The following SFMBT2 variants were observed in gnomAD, a reference collection of about 807,000 sequenced individuals.
SFMBT2 encodes scm-like with four MBT domains protein 2.
SFMBT2 carries 38 observed loss-of-function variants against 110.1 expected under a neutral mutation model. The observed-to-expected ratio is 0.35, with a 90% CI of 0.27 to 0.45. SFMBT2 has a LOEUF of 0.45. Among genes scored for constraint, SFMBT2 ranks in the 20% least tolerant of loss-of-function variants. The pLI, the probability that SFMBT2 is intolerant of heterozygous loss-of-function variation, is 1.00. For synonymous variants in SFMBT2, 425 were observed against 425.4 expected, an observed-to-expected ratio of 1.00 and a Z score of 0.01; for missense variants, 1,011 against 1,094.9, an observed-to-expected ratio of 0.92 and a Z score of 1.08.
chr10:7,323,096 A>G (rs925746285), intron 4 of SFMBT2, among the ~76,000 whole-genome samples: 1 of 152,240 alleles, frequency 6.6e-6, no homozygotes, highest in Non-Finnish European at 1.5e-5. Flanking sequence ...CCATTTATGG[A>G]AAGTCTGAAA....
At chr10:7,276,297 C>T (rs1841772912) in intron 7 of SFMBT2, among the ~76,000 whole-genome samples, 1 of 152,028 alleles carries the variant, frequency 6.6e-6, no homozygotes, top group Non-Finnish European at 1.5e-5. Context: ...ATTAGACTTG[C>T]TATATTTCCT....
chr10:7,289,507 C>T (rs970606115), intron 4 of SFMBT2, among the ~76,000 whole-genome samples: 5 of 152,194 alleles, frequency 3.3e-5, no homozygotes, highest in African/African-American at 1.2e-4. Context: ...GGTCCTATAG[C>T]TTTCCTTTAT....
intron 7 of SFMBT2, among the ~76,000 whole-genome samples, chr10:7,271,793 T>C (rs1841594250): frequency 6.6e-6 from 1 of 152,178 alleles, no homozygotes; most frequent in African/African-American, 2.4e-5. Flanking sequence ...ACGTCTCACA[T>C]GGCAGCAGAC....
rs375769493 is a variant in SFMBT2, at chr10:7,399,122, T to C, written c.-52+11739A>G. Among the ~76,000 whole-genome samples, 13 of 152,334 alleles carry C rather than the reference T, an allele frequency of 8.5e-5. No homozygotes were observed. In the East Asian group the frequency reaches 1.4e-3, roughly 16 times the overall value. ...GAAGAGTCCCAACACTGTGAAGATA[T>C]CAGCCAGCGGGAAACCCTCGCCTGT... On this transcript the variant is annotated intron_variant, in intron 1 of 20. Transcript: ENST00000397167.
At chr10:7,323,880 T>C (rs1277069597) in intron 4 of SFMBT2, among the ~76,000 whole-genome samples, 3 of 152,182 alleles carry the variant, frequency 2.0e-5, no homozygotes, top group Non-Finnish European at 2.9e-5. Context: ...ATGATAGAGT[T>C]ATAGAGACAG....
chr10:7,376,723 C>T, intron 2 of SFMBT2, among the ~76,000 whole-genome samples: 3 of 30,294 alleles, frequency 9.9e-5, no homozygotes, highest in Non-Finnish European at 1.8e-4. Flanking sequence ...AAAAGGCCCT[C>T]CCACAAAAAA....
At chr10:7,204,419 G>A in intron 12 of SFMBT2, 1 of 985,382 alleles carries the variant, frequency 1.0e-6, no homozygotes, top group Non-Finnish European at 1.2e-6. Context: ...GAAAATGTCA[G>A]AGACGGAATC....
chr10:7,332,600 T>G (rs1843595194), intron 4 of SFMBT2, among the ~76,000 whole-genome samples: 1 of 151,546 alleles, frequency 6.6e-6, no homozygotes, highest in South Asian at 2.1e-4. Flanking sequence ...TAAAAATGCT[T>G]TTTATTAAAA....
intron 10 of SFMBT2, among the ~76,000 whole-genome samples, chr10:7,222,317 ACT>A (rs1435150093): frequency 6.6e-6 from 1 of 152,222 alleles, no homozygotes; most frequent in Non-Finnish European, 1.5e-5. Context: ...TTCTGGTACA[ACT>A]TTTCATGTAA....
In SFMBT2 at chr10:7,262,126, A is replaced by G. The variant is rs142659046; in HGVS notation, c.871-13477T>C. ...CCTAAAGTTAAAAGAGAGAAGCTCAAACTTCTCTTTACATCAGGTTTCTCC... is the reference window on the plus strand; with the variant it reads ...CCTAAAGTTAAAAGAGAGAAGCTCAGACTTCTCTTTACATCAGGTTTCTCC... On this transcript the variant is annotated intron_variant, in intron 7 of 20. Coordinates refer to ENST00000397167, the MANE Select transcript of SFMBT2 (RefSeq NM_001387889.1). Among the ~76,000 whole-genome samples, 14 of 152,360 alleles carry G rather than the reference A, an allele frequency of 9.2e-5. No individual in the cohort carries two copies. The East Asian group carries it at 2.7e-3, about 29-fold the overall frequency.
At chr10:7,333,248 C>A (rs777680337) in intron 4 of SFMBT2, among the ~76,000 whole-genome samples, 1 of 152,140 alleles carries the variant, frequency 6.6e-6, no homozygotes, top group Non-Finnish European at 1.5e-5. Flanking sequence ...AAGACTAGCA[C>A]AAATAAAATA....
intron 1 of SFMBT2, among the ~76,000 whole-genome samples, chr10:7,396,865 G>A (rs1355118278): frequency 6.8e-6 from 1 of 147,556 alleles, no homozygotes; most frequent in African/African-American, 2.5e-5. Context: ...CTTGGACACA[G>A]GGTGGGGAAC....
intron 10 of SFMBT2, among the ~76,000 whole-genome samples, chr10:7,223,274 T>C (rs1227487060): frequency 6.6e-6 from 1 of 152,194 alleles, no homozygotes; most frequent in Non-Finnish European, 1.5e-5. Flanking sequence ...TTTTAGTTGC[T>C]ACACATCTTC....
At chr10:7,348,113 G>A (rs578192357) in intron 4 of SFMBT2, 6 of 466,130 alleles carry the variant, frequency 1.3e-5, no homozygotes, top group Admixed American at 1.2e-4. Context: ...TCATCTCTAC[G>A]AGTCAATCAA....
At chr10:7,218,571 T>C (rs1057427563) in intron 11 of SFMBT2, among the ~76,000 whole-genome samples, 4 of 152,236 alleles carry the variant, frequency 2.6e-5, no homozygotes, top group Non-Finnish European at 5.9e-5. Flanking sequence ...TCAATGTATA[T>C]TTTCTGATCT....
chr10:7,312,750 A>AC (rs202087576), intron 4 of SFMBT2, among the ~76,000 whole-genome samples: 25 of 152,032 alleles, frequency 1.6e-4, no homozygotes, highest in South Asian at 6.2e-4. Flanking sequence ...TGTTTACTGA[A>AC]CCCCCCAGAA....
At chr10:7,376,563 G>C (rs983625207) in intron 2 of SFMBT2, among the ~76,000 whole-genome samples, 1 of 151,166 alleles carries the variant, frequency 6.6e-6, no homozygotes, top group Middle Eastern at 3.4e-3. Flanking sequence ...GCCAGGCGTG[G>C]TGGTGGGCAC....
intron 7 of SFMBT2, among the ~76,000 whole-genome samples, chr10:7,256,947 C>G (rs985658100): frequency 1.1e-4 from 16 of 151,964 alleles, no homozygotes; most frequent in Non-Finnish European, 1.8e-4. Context: ...TAAAAATTAG[C>G]TGGGCGTGGC....
chr10:7,401,419 G>C (rs1846079878), intron 1 of SFMBT2, among the ~76,000 whole-genome samples: 1 of 152,170 alleles, frequency 6.6e-6, no homozygotes, highest in African/African-American at 2.4e-5. Flanking sequence ...CGGAGCTGGA[G>C]GAGTGATCTT....
Sources: gnomAD v4.1 joint callset for allele counts (sites outside exome capture counted in the v4.1 genomes callset) on GRCh38, gnomAD v4.1.1 for gene constraint, MANE v1.5 for transcripts, NCBI Gene and HGNC (gene_info 2026-07-23, HGNC 2026-07-21) for gene names.